Variants in C12orf42 observed in about 807,000 individuals in gnomAD.
C12orf42 encodes chromosome 12 open reading frame 42.
In C12orf42, 25 loss-of-function variants were observed where a neutral mutation model predicts 21.6. That is an observed-to-expected ratio of 1.16 (90% CI 0.84 to 1.62). The LOEUF is 1.62. Ranked by LOEUF, C12orf42 falls within the 40% of genes most tolerant of loss-of-function variation. The probability of loss-of-function intolerance (pLI) is 0.00; values close to 1 mark genes in which losing one functional copy is unlikely to be tolerated. For missense variants in C12orf42, 483 were observed against 459.3 expected, an observed-to-expected ratio of 1.05 and a Z score of -0.47; for synonymous variants, 174 against 175.0, an observed-to-expected ratio of 0.99 and a Z score of 0.05.
chr12:103,559,581 A>T, the C12orf42 span: 1 of 152,144 alleles, frequency 6.6e-6, no homozygotes, highest in Admixed American at 6.5e-5. Flanking sequence ...AAAACAGCAG[A>T]CTCAAAAACC....
chr12:103,242,070 C>T (rs568047403), intron 10 of C12orf42, among the ~76,000 whole-genome samples: 38 of 152,246 alleles, frequency 2.5e-4, no homozygotes, highest in Middle Eastern at 3.4e-3. Context: ...ATGGTGGATG[C>T]GTCTTTTATT....
At chr12:103,125,429 C>T in the C12orf42 span, among the ~76,000 whole-genome samples, 5 of 152,112 alleles carry the variant, frequency 3.3e-5, no homozygotes, top group South Asian at 1.0e-3. Flanking sequence ...CCTGTGAGCT[C>T]AGATGGTTGC....
At chr12:103,516,156 C>G in the C12orf42 span, among the ~76,000 whole-genome samples, 1 of 152,174 alleles carries the variant, frequency 6.6e-6, no homozygotes, top group Non-Finnish European at 1.5e-5. Context: ...ACCATCATAA[C>G]TAAAGGACAT....
chr12:103,059,085 C>A, the C12orf42 span, among the ~76,000 whole-genome samples: 2 of 151,788 alleles, frequency 1.3e-5, no homozygotes, highest in South Asian at 4.1e-4. Flanking sequence ...ACTAACTAGA[C>A]TAATAAAGAA....
At chr12:103,125,557 G>C in the C12orf42 span, among the ~76,000 whole-genome samples, 1 of 152,120 alleles carries the variant, frequency 6.6e-6, no homozygotes, top group Non-Finnish European at 1.5e-5. Context: ...GGGAAGAAAT[G>C]AGTTCATTGC....
At chr12:103,521,058 G>T in the C12orf42 span, among the ~76,000 whole-genome samples, 1 of 152,144 alleles carries the variant, frequency 6.6e-6, no homozygotes, top group Non-Finnish European at 1.5e-5. Context: ...ATGTACTATA[G>T]GTTGTAGGAT....
At chr12:103,194,181 T>C in the C12orf42 span, among the ~76,000 whole-genome samples, 1 of 150,866 alleles carries the variant, frequency 6.6e-6, no homozygotes, top group Non-Finnish European at 1.5e-5. Context: ...CCTCGACACA[T>C]AATAAAGGCT....
chr12:103,500,247 G>C (rs773871664), upstream of C12orf42, among the ~76,000 whole-genome samples: 2 of 152,156 alleles, frequency 1.3e-5, no homozygotes, highest in Non-Finnish European at 2.9e-5. Flanking sequence ...TTAGCAAAAA[G>C]TGAAGCATGT....
chr12:103,481,470 G>A (rs1401021019), intron 1 of C12orf42, among the ~76,000 whole-genome samples: 1 of 151,920 alleles, frequency 6.6e-6, no homozygotes, highest in Non-Finnish European at 1.5e-5. Context: ...CTATTTAAAA[G>A]TAAAGGGAAG....
the C12orf42 span, among the ~76,000 whole-genome samples, chr12:103,096,853 A>G: frequency 2.0e-5 from 3 of 152,280 alleles, no homozygotes; most frequent in East Asian, 5.8e-4. Flanking sequence ...CACAGCTGGT[A>G]AAGGAAGAAC....
chr12:103,214,961 G>A, the C12orf42 span, among the ~76,000 whole-genome samples: 1 of 152,014 alleles, frequency 6.6e-6, no homozygotes, highest in African/African-American at 2.4e-5. Flanking sequence ...ATGTTCCCAG[G>A]AATAAATCTA....
chr12:103,166,833 T>G, the C12orf42 span, among the ~76,000 whole-genome samples: 1 of 152,226 alleles, frequency 6.6e-6, no homozygotes, highest in South Asian at 2.1e-4. Flanking sequence ...ATCCATCTTT[T>G]TTTTTCCTTA....
intron 5 of C12orf42, among the ~76,000 whole-genome samples, chr12:103,274,099 T>C (rs2035626295): frequency 6.6e-6 from 1 of 152,194 alleles, no homozygotes; most frequent in African/African-American, 2.4e-5. Context: ...TGCTTTATTA[T>C]GTACTCATTT....
At chr12:103,256,162 A>G in intron 10 of C12orf42, among the ~76,000 whole-genome samples, 1 of 134,268 alleles carries the variant, frequency 7.4e-6, no homozygotes, top group South Asian at 2.4e-4. Flanking sequence ...ATACACACAT[A>G]TATATACACA....
chr12:103,109,557 A>C, the C12orf42 span, among the ~76,000 whole-genome samples: 1 of 150,852 alleles, frequency 6.6e-6, no homozygotes, highest in Non-Finnish European at 1.5e-5. Flanking sequence ...AGAAAGAGAA[A>C]AGAGAAAATG....
the C12orf42 span, among the ~76,000 whole-genome samples, chr12:103,050,219 G>GGTGTGTGTGTGTGT: frequency 1.3e-5 from 2 of 148,650 alleles, no homozygotes; most frequent in East Asian, 4.0e-4. Context: ...TTTTCTCACA[G>GGTGTGTGTGTGTGT]GTGTGTGTGT....
At chr12:103,185,138 G>A in the C12orf42 span, among the ~76,000 whole-genome samples, 22 of 152,262 alleles carry the variant, frequency 1.4e-4, no homozygotes, top group African/African-American at 5.3e-4. Context: ...GGGAGAAAAA[G>A]CAATAAAGAG....
At chr12:103,055,465 T>A in the C12orf42 span, among the ~76,000 whole-genome samples, 1 of 151,968 alleles carries the variant, frequency 6.6e-6, no homozygotes, top group Non-Finnish European at 1.5e-5. Context: ...TCAGTCTTAC[T>A]TGAGGTTTGT....
At chr12:103,254,021 T>C (rs982275433) in intron 10 of C12orf42, among the ~76,000 whole-genome samples, 4 of 152,214 alleles carry the variant, frequency 2.6e-5, no homozygotes, top group Non-Finnish European at 4.4e-5. Context: ...TTGCAGTTGC[T>C]TTTGGTGATT....
Sources: allele counts gnomAD v4.1 joint callset (sites outside exome capture counted in the v4.1 genomes callset), GRCh38; gene constraint gnomAD v4.1.1; transcripts MANE v1.5; gene names NCBI Gene and HGNC (gene_info 2026-07-23, HGNC 2026-07-21).